The following CATSPER4 variants were observed in gnomAD, a reference collection of about 807,000 sequenced individuals.
CATSPER4 encodes cation channel sperm associated 4.
In CATSPER4, 46 loss-of-function variants were observed where a neutral mutation model predicts 54.4. The observed-to-expected ratio is 0.84, with a 90% CI of 0.67 to 1.08. The LOEUF (loss-of-function observed/expected upper bound fraction) is 1.08. Ranked by LOEUF, CATSPER4 falls within the 50% of genes least tolerant of loss-of-function variation. The pLI is 0.00. For synonymous variants in CATSPER4, 230 were observed against 231.9 expected, an observed-to-expected ratio of 0.99 and a Z score of 0.08; for missense variants, 574 against 612.8, an observed-to-expected ratio of 0.94 and a Z score of 0.67.
chr1:26,200,063 G>A lies in CATSPER4; in HGVS notation c.987+5G>A, dbSNP rs6700024. On this transcript the variant is annotated splice_donor_5th_base_variant and intron_variant, in intron 7 of 9. Coordinates refer to ENST00000456354, the MANE Select transcript of CATSPER4 (RefSeq NM_198137.2). The stretch of plus-strand genomic sequence containing the variant: ...CAACGAATAACCTTTAGTGAGGTGC[G>A]TGGGATGGGGAGGGCAGAAGGGAGG... The A allele has an allele frequency of 0.2, 326,848 of 1,610,866 alleles. 34,904 individuals carry two copies. The highest frequency in any genetic ancestry group is 0.33 in the African/African-American group (24,902 of 74,930).
Position 26,195,264 on chromosome 1 carries a change from G to A in CATSPER4, c.459+1376G>A, listed in dbSNP as rs192071793. ...CTTTTTTATTGTCTTTGTCCATTTA[G>A]TGTTGCTATAAAGGAATACCCGAGG... is the stretch of plus-strand genomic sequence containing the variant. On this transcript the variant is annotated intron_variant, in intron 3 of 9. Transcript: ENST00000456354. 5.1e-4 allele frequency among the ~76,000 whole-genome samples: 77 copies of A among 152,094 alleles called. 1 individual carries two copies. The highest frequency in any genetic ancestry group is 1.8e-3 in the African/African-American group (73 of 41,472).
Position 26,191,359 on chromosome 1 carries a change from C to A in CATSPER4, c.286C>A (p.Leu96Met), listed in dbSNP as rs1287209270. ...KQLLRHPAFQ[L>M]LLALLLVINA... ...GCTGCTCCGACACCCCGCCTTCCAACTGCTGCTGGCCCTGCTGCTGGTGAT... is the reference window on the plus strand; with the variant it reads ...GCTGCTCCGACACCCCGCCTTCCAAATGCTGCTGGCCCTGCTGCTGGTGAT... The change falls in exon 2 of 10, where the codon CTG (leucine) becomes ATG (methionine). Residue 96 changes from leucine to methionine, a missense_variant. Leu to Met is a conservative substitution (Grantham distance 15, BLOSUM62 2). Transcript: ENST00000456354. 6.2e-7 allele frequency: 1 copy of A among 1,614,226 alleles called. No individual in the cohort carries two copies. Among genetic ancestry groups the A allele is most frequent in the South Asian group, 1.1e-5 (1 of 91,088 alleles).
At position 26,190,794 on chromosome 1, in the gene CATSPER4, C is replaced by G; in HGVS notation, c.167C>G (p.Pro56Arg). The G allele has an allele frequency of 1.2e-6, 2 of 1,613,106 alleles. No homozygotes were observed. Among genetic ancestry groups the G allele is most frequent in the Non-Finnish European group, 1.7e-6 (2 of 1,179,684 alleles). Residue 56 changes from proline (P) to arginine (R), a missense_variant, in exon 1 of 10, where the codon CCA (proline) becomes CGA (arginine). Coordinates refer to ENST00000456354, the MANE Select transcript of CATSPER4 (RefSeq NM_198137.2). ...ACCATTCACGAGTCCTACGGTCGGC[C>G]AGAGGAGCAAGTGCTCATCAACCGC... ...QSTIHESYGR[P>R]EEQVLINRQE...
chr1:26,201,256 C>A (rs980006667), intron 8 of CATSPER4, 98 bp from the exon 9 acceptor site: 1 of 1,326,376 alleles, frequency 7.5e-7, no homozygotes, highest in Non-Finnish European at 1.1e-6. Flanking sequence ...GTCAGGGCTG[C>A]GTGGGAGAGC....
chr1:26,202,322 T>A (rs2089017190), intron 9 of CATSPER4, among the ~76,000 whole-genome samples, 167 bp from the exon 10 acceptor site: 1 of 152,176 alleles, frequency 6.6e-6, no homozygotes, highest in Admixed American at 6.5e-5. Context: ...GGATATACCC[T>A]GGGCTCCCAA....
At chr1:26,195,046 T>C (rs764256003) in intron 3 of CATSPER4, among the ~76,000 whole-genome samples, 7 of 152,208 alleles carry the variant, frequency 4.6e-5, no homozygotes, top group Non-Finnish European at 8.8e-5. Context: ...ATTGCGCCAC[T>C]GCACTCCAGC....
rs1308001071 is a variant in CATSPER4, at chr1:26,202,941, T to A, written c.*399T>A. 7.8e-6 allele frequency: 2 copies of A among 256,768 alleles called. No homozygotes were observed. Among genetic ancestry groups the A allele is most frequent in the Admixed American group, 9.8e-5 (2 of 20,444 alleles). The allele number at this position is 256,768 out of a possible 1,614,324, so 15.9% of individuals were successfully genotyped here. ...CCAGTGGGGCCAGACATCTGTGTGT[T>A]GACAATAAAGTTTTGTGTTGGAATC... On this transcript the variant is annotated 3_prime_UTR_variant, in exon 10 of 10. Coordinates refer to ENST00000456354, the MANE Select transcript of CATSPER4 (RefSeq NM_198137.2).
intron 6 of CATSPER4, among the ~76,000 whole-genome samples, chr1:26,198,719 C>G (rs1243566244): frequency 1.3e-5 from 2 of 152,180 alleles, no homozygotes; most frequent in African/African-American, 4.8e-5. Flanking sequence ...GCAGTTATGC[C>G]TCAGGTTACA....
At position 26,200,194 on chromosome 1, in the gene CATSPER4, C is replaced by A. The variant is rs188987518; in HGVS notation, c.987+136C>A. On this transcript the variant is annotated intron_variant, in intron 7 of 9. Coordinates refer to ENST00000456354, the MANE Select transcript of CATSPER4 (RefSeq NM_198137.2). ...CAAGTTGGAGGCCTGGAGGCAGCAG[C>A]CCCCCATCTTGAGTGCCCACCCACC... The A allele has an allele frequency of 3.1e-4, 315 of 1,000,200 alleles. 1 individual carries two copies. The African/African-American group carries it at 4.6e-3, about 14-fold the overall frequency. The allele number at this position is 1,000,200 out of a possible 1,614,324, so 62.0% of individuals were successfully genotyped here.
rs1229920788 is a variant in CATSPER4 at position 26,191,365 on chromosome 1, C to G, written c.292C>G (p.Leu98Val). The change falls in exon 2 of 10, where the codon CTG becomes GTG. Residue 98 changes from leucine (L) to valine (V), a missense_variant. Physicochemically the swap from Leu to Val is conservative, Grantham distance 32. Coordinates refer to ENST00000456354, the MANE Select transcript of CATSPER4 (RefSeq NM_198137.2). ...LLRHPAFQLLLALLLVINAIT... is the reference protein window; with the variant it reads ...LLRHPAFQLLVALLLVINAIT... ...CCGACACCCCGCCTTCCAACTGCTGCTGGCCCTGCTGCTGGTGATCAATGC... is the reference window on the plus strand; with the variant it reads ...CCGACACCCCGCCTTCCAACTGCTGGTGGCCCTGCTGCTGGTGATCAATGC... 1 of 1,614,200 alleles carries G rather than the reference C, an allele frequency of 6.2e-7. No homozygotes were observed. The highest frequency in any genetic ancestry group is 2.2e-5 in the East Asian group (1 of 44,882).
In CATSPER4 at chr1:26,202,916, C is replaced by A. The variant is rs1181085879; in HGVS notation, c.*374C>A. On this transcript the variant is annotated 3_prime_UTR_variant, in exon 10 of 10. Transcript: ENST00000456354. The stretch of plus-strand genomic sequence containing the variant: ...CAGAACCAAGAAGAGAAAGGCAAGG[C>A]CAGTGGGGCCAGACATCTGTGTGTT... 5 of 317,550 alleles carry A rather than the reference C, an allele frequency of 1.6e-5. No homozygotes were observed. Among genetic ancestry groups the A allele is most frequent in the Non-Finnish European group, 3.0e-5 (5 of 168,038 alleles). 19.7% of individuals were successfully genotyped at this position (317,550 alleles called of 1,614,324 possible). A position where few individuals can be genotyped will look rare whatever the true frequency, so the allele number is the denominator to read the frequency against.
At position 26,202,882 on chromosome 1, in the gene CATSPER4, A is replaced by T; in HGVS notation, c.*340A>T. On this transcript the variant is annotated 3_prime_UTR_variant, in exon 10 of 10. Coordinates refer to ENST00000456354, the MANE Select transcript of CATSPER4 (RefSeq NM_198137.2). The stretch of plus-strand genomic sequence containing the variant: ...TTGCCCAGAGCTGGTGGGGGGCCTC[A>T]GTGGGCCCCAGAACCAAGAAGAGAA... 1 of 394,766 alleles carries T rather than the reference A, an allele frequency of 2.5e-6. No individual in the cohort carries two copies. Among genetic ancestry groups the T allele is most frequent in the Non-Finnish European group, 4.7e-6 (1 of 213,492 alleles). 24.5% of individuals were successfully genotyped at this position (394,766 alleles called of 1,614,324 possible). A position where few individuals can be genotyped will look rare whatever the true frequency, so the allele number is the denominator to read the frequency against.
At chr1:26,201,628 T>C in intron 9 of CATSPER4, 109 bp downstream of exon 9, 1 of 1,034,542 alleles carries the variant, frequency 9.7e-7, no homozygotes, top group Non-Finnish European at 1.5e-6. Flanking sequence ...TTCCAAGATC[T>C]GGTCCCCCTC....
chr1:26,199,560 C>G (rs2088982306), intron 6 of CATSPER4, among the ~76,000 whole-genome samples: 2 of 146,790 alleles, frequency 1.4e-5, no homozygotes, highest in Admixed American at 1.4e-4. Context: ...GATCACGCCA[C>G]TTCACTCCAG....
chr1:26,196,402 CTTTTTTT>C (rs58507291), intron 3 of CATSPER4, among the ~76,000 whole-genome samples: 15 of 82,454 alleles, frequency 1.8e-4, no homozygotes, highest in Non-Finnish European at 2.1e-4. Context: ...TTTTCTTTTC[CTTTTTTT>C]TTTTTTTTTT....
rs146740329 is a variant in CATSPER4, at chr1:26,194,946, G to A, written c.459+1058G>A. Among the ~76,000 whole-genome samples the A allele has an allele frequency of 4.2e-3, 645 of 152,222 alleles. 5 individuals carry two copies. Among genetic ancestry groups the A allele is most frequent in the African/African-American group, 0.015 (607 of 41,536 alleles). On this transcript the variant is annotated intron_variant, in intron 3 of 9. Transcript: ENST00000456354. The stretch of plus-strand genomic sequence containing the variant: ...CTAAAAATACAAAAACTAGCTGGGC[G>A]TGGTGGCGCGTGCCTGTAATCCCAG...
At chr1:26,194,235 T>TTAAGCTTCATGG (rs1259314430) in intron 3 of CATSPER4, among the ~76,000 whole-genome samples, 13 of 152,340 alleles carry the variant, frequency 8.5e-5, no homozygotes, top group African/African-American at 3.1e-4. Context: ...AATAAAGATT[T>TTAAGCTTCATGG]TAAGCTTCAT....
At position 26,191,438 on chromosome 1, in the gene CATSPER4, G is replaced by A; in HGVS notation, c.357+8G>A. 9 of 1,614,042 alleles carry A rather than the reference G, an allele frequency of 5.6e-6. No individual in the cohort carries two copies. Among genetic ancestry groups the A allele is most frequent in the Non-Finnish European group, 7.6e-6 (9 of 1,179,998 alleles). On this transcript the variant is annotated splice_region_variant and intron_variant, in intron 2 of 9. Coordinates refer to ENST00000456354, the MANE Select transcript of CATSPER4 (RefSeq NM_198137.2). Reference sequence around the variant, plus strand: ...AACTCCTACCTGGACCAGGTGGGATGCCAGCATGACCTCTGCCCCACTAAC... The same window carrying A: ...AACTCCTACCTGGACCAGGTGGGATACCAGCATGACCTCTGCCCCACTAAC...
At chr1:26,193,980 G>A in intron 3 of CATSPER4, 92 bp downstream of exon 3, 1 of 846,908 alleles carries the variant, frequency 1.2e-6, no homozygotes, top group Non-Finnish European at 2.1e-6. Context: ...AACTGAGGGT[G>A]TGAGTATGTG....
Sources: gnomAD v4.1 joint callset for allele counts (sites outside exome capture counted in the v4.1 genomes callset) on GRCh38, gnomAD v4.1.1 for gene constraint, MANE v1.5 for transcripts, NCBI Gene and HGNC (gene_info 2026-07-23, HGNC 2026-07-21) for gene names.